GLI2: variants seen among roughly 807,000 people sequenced by gnomAD.
The protein encoded by GLI2 is transcription activator GLI2.
A neutral mutation model predicts 78.9 loss-of-function variants in GLI2; 22 were observed. That is an observed-to-expected ratio of 0.28 (90% CI 0.20 to 0.40). GLI2 has a LOEUF of 0.40. GLI2 is among the 10% of genes least tolerant of loss of function. The probability of loss-of-function intolerance (pLI) is 1.00; values close to 1 mark genes in which losing one functional copy is unlikely to be tolerated. For missense variants in GLI2, 2,097 were observed against 2,213.2 expected (o/e 0.95, Z 1.05); for synonymous variants, 974 against 963.7 (o/e 1.01, Z -0.20).
At chr2:120,824,835 G>A (rs965313566) in intron 2 of GLI2, among the ~76,000 whole-genome samples, 19 of 152,138 alleles carry the variant, frequency 1.2e-4, no homozygotes, top group African/African-American at 4.6e-4. Flanking sequence ...CTTTGTTGTT[G>A]TTGTTGTTGT....
At chr2:120,893,509 A>G (rs752050231) in intron 2 of GLI2, among the ~76,000 whole-genome samples, 1 of 152,178 alleles carries the variant, frequency 6.6e-6, no homozygotes, top group Non-Finnish European at 1.5e-5. Flanking sequence ...CAGTTCCCCT[A>G]TAGAAAACCA....
chr2:120,982,686 G>T (rs1682769878), intron 10 of GLI2, 30 bp from the exon 11 acceptor site: 1 of 1,594,998 alleles, frequency 6.3e-7, no homozygotes, highest in Non-Finnish European at 8.6e-7. Flanking sequence ...CCCCTGGGGT[G>T]CCTTGACTGA....
intron 1 of GLI2, among the ~76,000 whole-genome samples, chr2:120,768,551 T>C (rs1057089218): frequency 6.6e-6 from 1 of 152,224 alleles, no homozygotes; most frequent in Non-Finnish European, 1.5e-5. Context: ...GGGGCCATTC[T>C]CCAACGCCTT....
At chr2:120,886,081 G>T (rs1573538605) in intron 2 of GLI2, among the ~76,000 whole-genome samples, 1 of 151,956 alleles carries the variant, frequency 6.6e-6, no homozygotes, top group Non-Finnish European at 1.5e-5. Context: ...ATTTGTGTGT[G>T]TGTGTGTGTC....
At chr2:120,957,729 G>A (rs959021716) in intron 5 of GLI2, among the ~76,000 whole-genome samples, 3 of 152,246 alleles carry the variant, frequency 2.0e-5, no homozygotes, top group Non-Finnish European at 4.4e-5. Context: ...GTGTGTGCAC[G>A]TGTGTGTACG....
chr2:120,736,301 C>T lies in GLI2; in HGVS notation c.-31+16C>T, dbSNP rs1025516432. 2 of 151,990 alleles carry T rather than the reference C, an allele frequency of 1.3e-5. No homozygotes were observed. Among genetic ancestry groups the T allele is most frequent in the Non-Finnish European group, 2.9e-5 (2 of 68,006 alleles). The allele number at this position is 151,990 out of a possible 1,614,324, so 9.4% of individuals were successfully genotyped here. ...GTCTCTCTCGGTAAAGTTGCATTGG[C>T]CTTCTTTTGCTTGCTTTTCGTGACG... On this transcript the variant is annotated intron_variant, in intron 1 of 13. Coordinates refer to ENST00000361492, the MANE Select transcript of GLI2 (RefSeq NM_001374353.1).
chr2:120,858,481 C>G (rs1374873513), intron 2 of GLI2, among the ~76,000 whole-genome samples: 2 of 152,166 alleles, frequency 1.3e-5, no homozygotes, highest in Non-Finnish European at 2.9e-5. Flanking sequence ...TGGGCAGCCT[C>G]TGATGTTTCT....
chr2:120,867,692 C>G (rs1028851723), intron 2 of GLI2, among the ~76,000 whole-genome samples: 1 of 152,234 alleles, frequency 6.6e-6, no homozygotes, highest in Admixed American at 6.5e-5. Flanking sequence ...TGGCCTGCAG[C>G]GCCCTTCTCC....
At chr2:120,948,886 G>A (rs951153102) in intron 3 of GLI2, among the ~76,000 whole-genome samples, 1 of 152,146 alleles carries the variant, frequency 6.6e-6, no homozygotes, top group African/African-American at 2.4e-5. Flanking sequence ...GCCGTGCCTG[G>A]AGTGTCTGGG....
At chr2:120,775,384 G>A (rs1683646910) in intron 1 of GLI2, among the ~76,000 whole-genome samples, 1 of 152,180 alleles carries the variant, frequency 6.6e-6, no homozygotes, top group South Asian at 2.1e-4. Context: ...CACCTCTCCC[G>A]GTGCCGTTCA....
At chr2:120,780,752 T>C (rs13413869) in intron 1 of GLI2, among the ~76,000 whole-genome samples, 5,559 of 152,332 alleles carry the variant, frequency 0.036, 308 homozygotes, top group African/African-American at 0.12. Flanking sequence ...GTTTCCAGCC[T>C]GGAACTCTGG....
At chr2:120,855,626 AGAT>A (rs1342201353) in intron 2 of GLI2, among the ~76,000 whole-genome samples, 1 of 152,232 alleles carries the variant, frequency 6.6e-6, no homozygotes, top group Non-Finnish European at 1.5e-5. Flanking sequence ...AGGGGAATTG[AGAT>A]GATGAAACTA....
intron 10 of GLI2, among the ~76,000 whole-genome samples, chr2:120,980,472 T>G (rs1216882293): frequency 2.0e-5 from 3 of 152,260 alleles, no homozygotes; most frequent in Non-Finnish European, 4.4e-5. Context: ...TTGCCCATTT[T>G]GAAACCTGGT....
chr2:120,989,372 C>T lies in GLI2; in HGVS notation c.3407C>T (p.Thr1136Ile), dbSNP rs756818605. The T allele has an allele frequency of 5.6e-6, 9 of 1,613,008 alleles. No homozygotes were observed. Among genetic ancestry groups the T allele is most frequent in the Non-Finnish European group, 7.6e-6 (9 of 1,179,976 alleles). Residue 1136 changes from threonine to isoleucine, a missense_variant, in exon 14 of 14, where the codon ACC (threonine) becomes ATC (isoleucine). By Grantham distance (89) the Thr-to-Ile change is moderately conservative. Coordinates refer to ENST00000361492, the MANE Select transcript of GLI2 (RefSeq NM_001374353.1). ...CAGTGGAATGAGGTGAGCTCCGGCA[C>T]CGTAGACGCCCTGGCCAGCCAGGTG... The part of the protein sequence containing the change: ...PVQWNEVSSG[T>I]VDALASQVKP...
At chr2:120,950,356 A>C (rs1416896746) in intron 3 of GLI2, among the ~76,000 whole-genome samples, 1 of 152,252 alleles carries the variant, frequency 6.6e-6, no homozygotes, top group African/African-American at 2.4e-5. Context: ...TTCACCATAA[A>C]GTCTGATTCA....
chr2:120,793,687 C>T (rs999099574), intron 1 of GLI2, among the ~76,000 whole-genome samples: 3 of 152,214 alleles, frequency 2.0e-5, no homozygotes, highest in Non-Finnish European at 2.9e-5. Flanking sequence ...GCATCTGCTC[C>T]CCACAGGCGT....
chr2:120,923,596 G>A (rs1394082382), intron 2 of GLI2, among the ~76,000 whole-genome samples: 1 of 151,114 alleles, frequency 6.6e-6, no homozygotes, highest in African/African-American at 2.4e-5. Context: ...ACAACACACA[G>A]CATATCCACA....
chr2:120,849,318 CTTATG>C (rs1687285940), intron 2 of GLI2, among the ~76,000 whole-genome samples: 1 of 152,118 alleles, frequency 6.6e-6, no homozygotes, highest in South Asian at 2.1e-4. Context: ...AATGGTAAGT[CTTATG>C]TTATATATAT....
chr2:120,978,153 G>A (rs1006276212), intron 9 of GLI2, among the ~76,000 whole-genome samples: 2 of 152,202 alleles, frequency 1.3e-5, no homozygotes, highest in African/African-American at 4.8e-5. Flanking sequence ...TAAGCGGCAC[G>A]CAGTAGGCCT....
Sources: allele counts gnomAD v4.1 joint callset (sites outside exome capture counted in the v4.1 genomes callset), GRCh38; gene constraint gnomAD v4.1.1; transcripts MANE v1.5; gene names NCBI Gene and HGNC (gene_info 2026-07-23, HGNC 2026-07-21).